The following TSPAN9 variants were observed in gnomAD, a reference collection of about 807,000 sequenced individuals.
TSPAN9 encodes tetraspanin-9.
A neutral mutation model predicts 31.0 loss-of-function variants in TSPAN9; 16 were observed. That is an observed-to-expected ratio of 0.52 (90% CI 0.35 to 0.78). The LOEUF (loss-of-function observed/expected upper bound fraction) is 0.78, where lower values mean the gene tolerates loss of function less well. Among genes scored for constraint, TSPAN9 ranks in the 30% least tolerant of loss-of-function variants. The pLI is 0.01. For synonymous variants in TSPAN9, 145 were observed against 121.6 expected (o/e 1.19, Z -1.27); for missense variants, 272 against 312.5 (o/e 0.87, Z 0.98).
intron 2 of TSPAN9, among the ~76,000 whole-genome samples, chr12:3,190,211 A>G (rs2098363609): frequency 6.6e-6 from 1 of 152,158 alleles, no homozygotes; most frequent in African/African-American, 2.4e-5. Context: ...GTCAGGCTGG[A>G]TGTGAGGTTG....
chr12:3,281,404 A>G (rs1862892123), intron 7 of TSPAN9, 75 bp downstream of exon 7: 2 of 1,471,594 alleles, frequency 1.4e-6, no homozygotes, highest in South Asian at 2.8e-5. Context: ...CCTATAGGGG[A>G]GGCTGGGCCC....
chr12:3,175,088 T>G (rs1477107792), intron 2 of TSPAN9, among the ~76,000 whole-genome samples: 1 of 152,064 alleles, frequency 6.6e-6, no homozygotes, highest in African/African-American at 2.4e-5. Flanking sequence ...CAACCCTGAG[T>G]GCTGTGCACA....
At chr12:3,169,067 G>T (rs2098350275) in intron 2 of TSPAN9, among the ~76,000 whole-genome samples, 1 of 152,246 alleles carries the variant, frequency 6.6e-6, no homozygotes, top group Non-Finnish European at 1.5e-5. Context: ...GGCAGCCAGA[G>T]GAGAGAAAAC....
intron 3 of TSPAN9, among the ~76,000 whole-genome samples, chr12:3,213,465 C>T (rs1214845653): frequency 6.6e-6 from 1 of 152,148 alleles, no homozygotes; most frequent in African/African-American, 2.4e-5. Context: ...GGACACTCAT[C>T]GTGACCAGTC....
chr12:3,213,945 CTCT>C (rs1302834846), intron 3 of TSPAN9, among the ~76,000 whole-genome samples: 2 of 152,220 alleles, frequency 1.3e-5, no homozygotes, highest in African/African-American at 2.4e-5. Flanking sequence ...AGGTGTGCAG[CTCT>C]TCTTGGAAGA....
chr12:3,234,067 C>T (rs757963077), intron 3 of TSPAN9, among the ~76,000 whole-genome samples: 8 of 152,118 alleles, frequency 5.3e-5, no homozygotes, highest in Non-Finnish European at 1.2e-4. Context: ...GAGACGTCCT[C>T]GAAGATCTAA....
chr12:3,193,003 T>C (rs146694543), intron 2 of TSPAN9, among the ~76,000 whole-genome samples: 147 of 152,278 alleles, frequency 9.7e-4, no homozygotes, highest in African/African-American at 3.5e-3. Context: ...TATTCCTTAT[T>C]TTTTTACATA....
intron 3 of TSPAN9, among the ~76,000 whole-genome samples, chr12:3,238,908 C>A (rs2153976931): frequency 6.6e-6 from 1 of 152,306 alleles, no homozygotes; most frequent in Middle Eastern, 3.4e-3. Flanking sequence ...TGTTTCCTTG[C>A]TTCATGTTCT....
At chr12:3,081,887 G>A (rs2098298119) in intron 1 of TSPAN9, among the ~76,000 whole-genome samples, 2 of 141,948 alleles carry the variant, frequency 1.4e-5, no homozygotes, top group Admixed American at 1.4e-4. Flanking sequence ...GTGGACCTAT[G>A]GTCCCAGCTG....
At chr12:3,189,307 C>G (rs1023256149) in intron 2 of TSPAN9, among the ~76,000 whole-genome samples, 1 of 152,156 alleles carries the variant, frequency 6.6e-6, no homozygotes, top group Non-Finnish European at 1.5e-5. Context: ...GAGGGCACAG[C>G]TCTGGGATTT....
chr12:3,089,569 A>G (rs1213512894), intron 2 of TSPAN9, among the ~76,000 whole-genome samples: 2 of 151,934 alleles, frequency 1.3e-5, no homozygotes, highest in Non-Finnish European at 2.9e-5. Flanking sequence ...TGCTGGGATT[A>G]CAGGTGTGAG....
chr12:3,241,308 TA>T (rs1158225315), intron 3 of TSPAN9, among the ~76,000 whole-genome samples: 8 of 152,196 alleles, frequency 5.3e-5, no homozygotes, highest in East Asian at 1.9e-4. Context: ...GATTAAATGA[TA>T]GGGGGAAAGT....
At chr12:3,177,872 CAAG>C (rs773079762) in intron 2 of TSPAN9, among the ~76,000 whole-genome samples, 1 of 152,214 alleles carries the variant, frequency 6.6e-6, no homozygotes, top group Non-Finnish European at 1.5e-5. Context: ...CCCTCTTACT[CAAG>C]AAGGACAGGC....
At chr12:3,278,168 C>T (rs61907485) in intron 3 of TSPAN9, among the ~76,000 whole-genome samples, 2 of 152,198 alleles carry the variant, frequency 1.3e-5, no homozygotes, top group African/African-American at 4.8e-5. Flanking sequence ...CTCAGAATGA[C>T]CTGGGAGGCT....
At chr12:3,267,882 C>A (rs914339169) in intron 3 of TSPAN9, among the ~76,000 whole-genome samples, 2 of 152,182 alleles carry the variant, frequency 1.3e-5, no homozygotes, top group Non-Finnish European at 2.9e-5. Flanking sequence ...TCCTGCCCAA[C>A]GTAGAGTGCC....
At chr12:3,237,464 G>T (rs2098394413) in intron 3 of TSPAN9, among the ~76,000 whole-genome samples, 1 of 152,200 alleles carries the variant, frequency 6.6e-6, no homozygotes, top group Non-Finnish European at 1.5e-5. Context: ...CCCTCTGGCC[G>T]GGAGAGACCT....
At chr12:3,113,979 G>A (rs946422421) in intron 2 of TSPAN9, among the ~76,000 whole-genome samples, 2 of 152,192 alleles carry the variant, frequency 1.3e-5, no homozygotes, top group South Asian at 2.1e-4. Context: ...TTATCATTGT[G>A]TACTCACTTG....
chr12:3,261,568 A>G (rs1002556285), intron 3 of TSPAN9, among the ~76,000 whole-genome samples: 2 of 152,216 alleles, frequency 1.3e-5, no homozygotes, highest in Admixed American at 6.5e-5. Context: ...AAGCATGTTC[A>G]AAAGACTAGG....
At chr12:3,200,912 G>T (rs2098371183) in intron 2 of TSPAN9, 2 of 361,702 alleles carry the variant, frequency 5.5e-6, no homozygotes, top group Non-Finnish European at 4.9e-6. Flanking sequence ...CCCCGGGAAC[G>T]CCGCGAGCAT....
Sources: allele counts gnomAD v4.1 joint callset (sites outside exome capture counted in the v4.1 genomes callset), GRCh38; gene constraint gnomAD v4.1.1; transcripts MANE v1.5; gene names NCBI Gene and HGNC (gene_info 2026-07-23, HGNC 2026-07-21).